Variants in HECTD4 observed in about 807,000 individuals in gnomAD.
The protein encoded by HECTD4 is probable E3 ubiquitin-protein ligase HECTD4.
Under a neutral mutation model 471.5 loss-of-function variants are expected in HECTD4, and 114 were observed. The observed-to-expected ratio is 0.24, with a 90% CI of 0.21 to 0.28. The LOEUF (loss-of-function observed/expected upper bound fraction) is 0.28. Ranked by LOEUF, HECTD4 falls within the 10% of genes least tolerant of loss-of-function variation. The probability of loss-of-function intolerance (pLI) is 1.00; values close to 1 mark genes in which losing one functional copy is unlikely to be tolerated. For missense variants in HECTD4, 3,866 were observed against 5,651.5 expected (o/e 0.68, Z 10.13); for synonymous variants, 2,012 against 2,256.0 (o/e 0.89, Z 3.07).
chr12:112,259,395 T>C (rs2034094818), intron 18 of HECTD4, 130 bp from the exon 19 acceptor site: 5 of 875,064 alleles, frequency 5.7e-6, no homozygotes, highest in Non-Finnish European at 8.6e-6. Context: ...CTTTCAGCGA[T>C]AGCAATTCAG....
At chr12:112,295,077 G>T (rs1018985409) in intron 7 of HECTD4, among the ~76,000 whole-genome samples, 1 of 151,848 alleles carries the variant, frequency 6.6e-6, no homozygotes, top group Non-Finnish European at 1.5e-5. Context: ...GACAAGGCAG[G>T]CCGGACTACT....
In HECTD4 at chr12:112,208,503, GTCA is replaced by G. The variant is rs1250179443; in HGVS notation, c.7992_7994del (p.Asp2665del). 3 of 1,591,390 alleles carry G rather than the reference GTCA, an allele frequency of 1.9e-6. No individual in the cohort carries two copies. The highest frequency in any genetic ancestry group is 2.6e-6 in the Non-Finnish European group (3 of 1,171,102). On this transcript the variant is annotated inframe_deletion, in exon 51 of 76. Transcript: ENST00000682272. The stretch of plus-strand genomic sequence containing the variant: ...CCTGTGGGTCTCTTACCTGAGGGAT[GTCA>G]TCATCGTCATCATCATCGCTTTCAT...
intron 7 of HECTD4, among the ~76,000 whole-genome samples, chr12:112,293,636 A>T (rs1414415061): frequency 5.3e-5 from 8 of 152,226 alleles, no homozygotes; most frequent in Non-Finnish European, 1.5e-5. Flanking sequence ...ATAAATCACC[A>T]TTTGTGTACA....
rs1257612058 is a variant in HECTD4 at position 112,163,652 on chromosome 12, G to A, written c.12787C>T (p.Arg4263Trp). ...GGGATGATGGAGCCCAGGCCGGCCC[G>A]CACGGCCGTCACGCACTCCACATTC... ...LQNVECVTAV[R>W]AGLGSIIPLQ... is the part of the protein sequence containing the mutation. Residue 4263 changes from arginine (R) to tryptophan (W), a missense_variant, in exon 74 of 76, where the codon CGG (arginine) becomes TGG (tryptophan). By Grantham distance (101) the Arg-to-Trp change is moderately radical. Coordinates refer to ENST00000682272, the MANE Select transcript of HECTD4 (RefSeq NM_001388303.1). This position sits in a 1 kb window ranked among gnomAD's most constrained non-coding sequence, Gnocchi z 8.2. The A allele has an allele frequency of 3.2e-6, 5 of 1,539,900 alleles. No homozygotes were observed. The highest frequency in any genetic ancestry group is 2.7e-5 in the African/African-American group (2 of 72,750).
chr12:112,267,010 T>A, intron 13 of HECTD4, 28 bp from the exon 14 acceptor site: 1 of 1,234,400 alleles, frequency 8.1e-7, no homozygotes, highest in Non-Finnish European at 1.1e-6. Context: ...TCAAAAACAT[T>A]TAAGCAAATG....
intron 49 of HECTD4, among the ~76,000 whole-genome samples, chr12:112,211,235 A>G (rs1277026712): frequency 6.6e-6 from 1 of 152,140 alleles, no homozygotes; most frequent in African/African-American, 2.4e-5. Context: ...CTGGAGTCTC[A>G]CTATGTTGCC....
In HECTD4 at chr12:112,192,702, C is replaced by T; in HGVS notation, c.9150G>A (p.Lys3050=). 6.2e-7 allele frequency: 1 copy of T among 1,601,170 alleles called. No homozygotes were observed. The highest frequency in any genetic ancestry group is 8.5e-7 in the Non-Finnish European group (1 of 1,174,300). Residue 3050 remains lysine (K), a synonymous_variant, in exon 59 of 76, where the codon AAG becomes AAA. Coordinates refer to ENST00000682272, the MANE Select transcript of HECTD4 (RefSeq NM_001388303.1). ...VLVYGLGHKV[K]RNGQLNLIEA... ...CGATGAGGTTCAGCTGGCCATTTCGCTTCACTTTGTGGCCGAGGCCATATA... is the reference window on the plus strand; with the variant it reads ...CGATGAGGTTCAGCTGGCCATTTCGTTTCACTTTGTGGCCGAGGCCATATA...
rs1386621015 is a variant in HECTD4 at position 112,208,003 on chromosome 12, G to A, written c.8005-3C>T. On this transcript the variant is annotated splice_polypyrimidine_tract_variant and splice_region_variant and intron_variant, in intron 51 of 75. Transcript: ENST00000682272. ...ACCAGCAGGGCGTAGTGGTCCTCCT[G>A]GAAGCAGAAGGAACCTCATGAACAG... is the stretch of plus-strand genomic sequence containing the variant. 1 of 1,611,998 alleles carries A rather than the reference G, an allele frequency of 6.2e-7. No individual in the cohort carries two copies. The highest frequency in any genetic ancestry group is 8.5e-7 in the Non-Finnish European group (1 of 1,179,036).
chr12:112,226,601 A>C, intron 44 of HECTD4, 42 bp downstream of exon 44: 1 of 1,316,378 alleles, frequency 7.6e-7, no homozygotes, highest in East Asian at 2.4e-5. Flanking sequence ...GTGCTGAGAA[A>C]ATTCAATAAA....
intron 1 of HECTD4, among the ~76,000 whole-genome samples, chr12:112,330,605 G>A (rs549620558): frequency 6.6e-5 from 10 of 152,206 alleles, no homozygotes; most frequent in African/African-American, 1.2e-4. Context: ...TTTACAGTTT[G>A]TCTTCCCTTT....
rs2030733168 is a variant in HECTD4 at position 112,162,622 on chromosome 12, T to A, written c.13121-99A>T. On this transcript the variant is annotated intron_variant, in intron 75 of 75. Coordinates refer to ENST00000682272, the MANE Select transcript of HECTD4 (RefSeq NM_001388303.1). This position sits in a 1 kb window ranked among gnomAD's most constrained non-coding sequence, Gnocchi z 5.2. ...CTGCTTCCAGGTTTGCCTCCTTGGG[T>A]AGCCCCAAGCCAATCCTGGGGCCCA... 7 of 1,456,686 alleles carry A rather than the reference T, an allele frequency of 4.8e-6. No individual in the cohort carries two copies. The highest frequency in any genetic ancestry group is 6.6e-6 in the Non-Finnish European group (7 of 1,060,252). The allele number at this position is 1,456,686 out of a possible 1,614,324, so 90.2% of individuals were successfully genotyped here. A position where few individuals can be genotyped will look rare whatever the true frequency, so the allele number is the denominator to read the frequency against.
chr12:112,323,974 C>T (rs1394172140), intron 1 of HECTD4, among the ~76,000 whole-genome samples: 477 of 17,574 alleles, frequency 0.027, 67 homozygotes, highest in African/African-American at 0.15. Context: ...TTCTTCCTTC[C>T]TTCCTTCCTT....
chr12:112,257,539 G>T (rs1050834230), intron 20 of HECTD4, among the ~76,000 whole-genome samples: 1 of 152,114 alleles, frequency 6.6e-6, no homozygotes, highest in Admixed American at 6.5e-5. Flanking sequence ...TCTCTGCCAG[G>T]TGATCACTTA....
Position 112,170,146 on chromosome 12 carries a change from G to A in HECTD4, c.12052+187C>T. The A allele has an allele frequency of 3.8e-6, 3 of 780,866 alleles. No individual in the cohort carries two copies. The South Asian group carries it at 5.4e-5, about 14-fold the overall frequency. The allele number at this position is 780,866 out of a possible 1,614,324, so 48.4% of individuals were successfully genotyped here. ...GGCCCCCGGGAGCCAAGCTCCTTCT[G>A]CTATGCCCCTTCCCTGAGCTCCTGA... On this transcript the variant is annotated intron_variant, in intron 69 of 75. Transcript: ENST00000682272.
At chr12:112,297,786 T>C (rs1411627348) in intron 7 of HECTD4, among the ~76,000 whole-genome samples, 1 of 152,124 alleles carries the variant, frequency 6.6e-6, no homozygotes, top group Non-Finnish European at 1.5e-5. Flanking sequence ...CCTAGAGTTT[T>C]GGTAACAGGT....
rs890301589 is a variant in HECTD4, at chr12:112,308,977, C to T, written c.1026-86G>A. ...CTACAACAGACACAAACAACATTTT[C>T]GACCTAATTTTAAAAAATGAGTAAG... On this transcript the variant is annotated intron_variant, in intron 5 of 75. Transcript: ENST00000682272. The T allele has an allele frequency of 7.3e-6, 10 of 1,360,988 alleles. No individual in the cohort carries two copies. The South Asian group carries it at 1.0e-4, about 14-fold the overall frequency. The allele number at this position is 1,360,988 out of a possible 1,614,324, so 84.3% of individuals were successfully genotyped here.
rs2032174873 is a variant in HECTD4, at chr12:112,194,465, G to A, written c.8749+420C>T. 6.6e-6 allele frequency among the ~76,000 whole-genome samples: 1 copy of A among 152,184 alleles called. No individual in the cohort carries two copies. Among genetic ancestry groups the A allele is most frequent in the African/African-American group, 2.4e-5 (1 of 41,434 alleles). On this transcript the variant is annotated intron_variant, in intron 56 of 75. Transcript: ENST00000682272. This position sits in a 1 kb window ranked among gnomAD's most constrained non-coding sequence, Gnocchi z 4.6. ...GGATCAGACACAGCCCTCATGCCAA[G>A]GGCACACAGGCTGGCCTTTGGAACA...
intron 2 of HECTD4, among the ~76,000 whole-genome samples, chr12:112,318,302 CA>C (rs1033911472): frequency 4.7e-5 from 7 of 150,412 alleles, no homozygotes; most frequent in Non-Finnish European, 7.4e-5. Context: ...GAGAGAAAAG[CA>C]AAAAGAAAAG....
At chr12:112,321,004 C>T (rs111627350) in intron 1 of HECTD4, among the ~76,000 whole-genome samples, 8,396 of 152,068 alleles carry the variant, frequency 0.055, 300 homozygotes, top group Middle Eastern at 0.16. Flanking sequence ...CCACCATGCC[C>T]GGCTAATTTT....
Sources: allele counts gnomAD v4.1 joint callset (sites outside exome capture counted in the v4.1 genomes callset), GRCh38; gene constraint gnomAD v4.1.1; non-coding constraint Gnocchi (gnomAD v3.1); transcripts MANE v1.5; gene names NCBI Gene and HGNC (gene_info 2026-07-23, HGNC 2026-07-21).